Variants in NKAIN3 observed in about 807,000 individuals in gnomAD.
NKAIN3 encodes the protein sodium/potassium-transporting ATPase subunit beta-1-interacting protein 3.
Under a neutral mutation model 30.2 loss-of-function variants are expected in NKAIN3, and 25 were observed. That is an observed-to-expected ratio of 0.83 (90% confidence interval 0.60 to 1.16). NKAIN3 has a LOEUF of 1.16. Ranked by LOEUF, NKAIN3 falls within the 50% of genes most tolerant of loss-of-function variation. The probability of loss-of-function intolerance (pLI) is 0.00; values close to 1 mark genes in which losing one functional copy is unlikely to be tolerated. For missense variants in NKAIN3, 225 were observed against 254.1 expected, an observed-to-expected ratio of 0.89 and a Z score of 0.78; for synonymous variants, 91 against 89.6, an observed-to-expected ratio of 1.02 and a Z score of -0.09.
intron 1 of NKAIN3, among the ~76,000 whole-genome samples, chr8:62,302,439 G>A (rs992844637): frequency 2.0e-5 from 3 of 152,008 alleles, no homozygotes; most frequent in African/African-American, 7.2e-5. Flanking sequence ...GTTACACAGA[G>A]GCTCTTTTCC....
At chr8:62,472,646 G>T (rs34558126) in intron 1 of NKAIN3, among the ~76,000 whole-genome samples, 12,212 of 152,194 alleles carry the variant, frequency 0.08, 691 homozygotes, top group Middle Eastern at 0.13. Context: ...CATTGATGCT[G>T]CCACTCCCCA....
At chr8:62,895,010 G>C (rs913168647) in intron 4 of NKAIN3, among the ~76,000 whole-genome samples, 2 of 152,168 alleles carry the variant, frequency 1.3e-5, no homozygotes, top group African/African-American at 2.4e-5. Context: ...AGCCTTTTAG[G>C]CTTAAGCCTA....
At chr8:62,803,716 A>C (rs916337870) in intron 4 of NKAIN3, among the ~76,000 whole-genome samples, 2 of 152,214 alleles carry the variant, frequency 1.3e-5, no homozygotes, top group Non-Finnish European at 2.9e-5. Context: ...TAGAAAAGCA[A>C]GAGCAAACAC....
At chr8:62,563,478 A>T (rs901815233) in intron 1 of NKAIN3, among the ~76,000 whole-genome samples, 1 of 152,156 alleles carries the variant, frequency 6.6e-6, no homozygotes, top group African/African-American at 2.4e-5. Context: ...TTATATCTAT[A>T]TCAGTGTCTT....
rs1484211591 is a variant in NKAIN3, at chr8:62,970,810, A to G, written c.*5403A>G. On this transcript the variant is annotated 3_prime_UTR_variant, in exon 7 of 7. Transcript: ENST00000623646. ...CATTGAATCATTTTCCATGTAAGGC[A>G]TGTTTTTCCTTTCCTCTTCAGAGTT... Among the ~76,000 whole-genome samples the G allele has an allele frequency of 6.6e-6, 1 of 152,204 alleles. No individual in the cohort carries two copies. The highest frequency in any genetic ancestry group is 1.5e-5 in the Non-Finnish European group (1 of 68,028).
At chr8:62,519,423 A>G (rs1001468242) in intron 1 of NKAIN3, among the ~76,000 whole-genome samples, 2 of 152,132 alleles carry the variant, frequency 1.3e-5, no homozygotes, top group Non-Finnish European at 2.9e-5. Flanking sequence ...TTTAGTGCAT[A>G]TTTTACTTTC....
intron 1 of NKAIN3, among the ~76,000 whole-genome samples, chr8:62,407,136 A>G (rs1318932514): frequency 1.3e-5 from 2 of 152,064 alleles, no homozygotes; most frequent in Non-Finnish European, 2.9e-5. Context: ...TTACTGGAGA[A>G]AAAAGAAAGT....
intron 1 of NKAIN3, among the ~76,000 whole-genome samples, chr8:62,330,569 G>A (rs532827267): frequency 1.3e-5 from 2 of 152,004 alleles, no homozygotes; most frequent in African/African-American, 4.8e-5. Flanking sequence ...CCTCTAGTAC[G>A]GCCATCTTGG....
chr8:62,957,017 T>A (rs1398883880), intron 6 of NKAIN3, among the ~76,000 whole-genome samples: 1 of 152,246 alleles, frequency 6.6e-6, no homozygotes, highest in African/African-American at 2.4e-5. Flanking sequence ...ACTTTGGCAG[T>A]TTCTTACAAA....
At chr8:62,895,501 G>A (rs1821404621) in intron 4 of NKAIN3, among the ~76,000 whole-genome samples, 1 of 152,196 alleles carries the variant, frequency 6.6e-6, no homozygotes, top group South Asian at 2.1e-4. Flanking sequence ...CTCAGGTAGT[G>A]TGGATGAGGA....
At chr8:62,704,763 G>T (rs1450675005) in intron 3 of NKAIN3, among the ~76,000 whole-genome samples, 2 of 152,172 alleles carry the variant, frequency 1.3e-5, no homozygotes, top group African/African-American at 4.8e-5. Context: ...GACATTTGAG[G>T]AAAGAACCAG....
intron 3 of NKAIN3, among the ~76,000 whole-genome samples, chr8:62,647,548 C>G (rs1020297759): frequency 2.6e-5 from 4 of 152,058 alleles, no homozygotes; most frequent in African/African-American, 9.7e-5. Context: ...GGTGGGGATC[C>G]AGAAAGGCTT....
chr8:62,933,347 A>G (rs958126926), intron 5 of NKAIN3, among the ~76,000 whole-genome samples: 25 of 152,240 alleles, frequency 1.6e-4, no homozygotes, highest in Non-Finnish European at 2.8e-4. Context: ...GGAATTATGA[A>G]GAGACTTCAA....
At chr8:62,377,876 G>T (rs983516070) in intron 1 of NKAIN3, among the ~76,000 whole-genome samples, 3 of 152,162 alleles carry the variant, frequency 2.0e-5, no homozygotes, top group African/African-American at 7.2e-5. Context: ...TTTGGGTATT[G>T]CTTCATAGTG....
At chr8:62,927,174 T>G (rs1283524483) in intron 5 of NKAIN3, among the ~76,000 whole-genome samples, 1 of 151,906 alleles carries the variant, frequency 6.6e-6, no homozygotes, top group African/African-American at 2.4e-5. Context: ...AGCACTCCCT[T>G]CCTCACCCCC....
In NKAIN3 at chr8:62,974,802, C is replaced by T. The variant is rs1365976867; in HGVS notation, c.*9395C>T. On this transcript the variant is annotated 3_prime_UTR_variant, in exon 7 of 7. Transcript: ENST00000623646. ...AGTGTGATATTGGCTGTGGGTTTGT[C>T]ATAACAGCTCTTATTATTTTGAGAT... is the stretch of plus-strand genomic sequence containing the variant. Among the ~76,000 whole-genome samples the T allele has an allele frequency of 6.6e-6, 1 of 152,068 alleles. No individual in the cohort carries two copies. Among genetic ancestry groups the T allele is most frequent in the Non-Finnish European group, 1.5e-5 (1 of 68,018 alleles).
At chr8:62,271,240 A>G (rs1284213469) in intron 1 of NKAIN3, among the ~76,000 whole-genome samples, 1 of 152,210 alleles carries the variant, frequency 6.6e-6, no homozygotes, top group Non-Finnish European at 1.5e-5. Context: ...GTTCATGACA[A>G]CAAGATAGGA....
intron 1 of NKAIN3, among the ~76,000 whole-genome samples, chr8:62,485,922 G>A (rs1456643916): frequency 2.6e-5 from 4 of 152,168 alleles, no homozygotes; most frequent in East Asian, 1.9e-4. Flanking sequence ...GGAATGGGGC[G>A]GGGCTGAGTG....
At chr8:62,577,476 T>G (rs1258442566) in intron 1 of NKAIN3, among the ~76,000 whole-genome samples, 2 of 142,252 alleles carry the variant, frequency 1.4e-5, no homozygotes, top group African/African-American at 5.3e-5. Context: ...GTTTTTTTTT[T>G]GGTTTTTTTT....
Sources: allele counts gnomAD v4.1 joint callset (sites outside exome capture counted in the v4.1 genomes callset), GRCh38; gene constraint gnomAD v4.1.1; transcripts MANE v1.5; gene names NCBI Gene and HGNC (gene_info 2026-07-23, HGNC 2026-07-21).